The following LRP1B variants were observed in gnomAD, a reference collection of about 807,000 sequenced individuals.
LRP1B encodes LDL receptor related protein 1B.
Under a neutral mutation model 556.6 loss-of-function variants are expected in LRP1B, and 217 were observed. That is an observed-to-expected ratio of 0.39 (90% CI 0.35 to 0.44). The LOEUF (loss-of-function observed/expected upper bound fraction) is 0.44. Among genes scored for constraint, LRP1B ranks in the 20% least tolerant of loss-of-function variants. The probability of loss-of-function intolerance (pLI) is 1.00; values close to 1 mark genes in which losing one functional copy is unlikely to be tolerated. For synonymous variants in LRP1B, 2,047 were observed against 1,865.8 expected (o/e 1.10, Z -2.50); for missense variants, 5,053 against 5,620.8 (o/e 0.90, Z 3.23).
chr2:141,647,354 G>A (rs1689609809), intron 2 of LRP1B, among the ~76,000 whole-genome samples: 1 of 152,162 alleles, frequency 6.6e-6, no homozygotes, highest in African/African-American at 2.4e-5. Context: ...AAATAAGATA[G>A]AGGAAGCGTT....
At chr2:140,709,946 A>G (rs1574267661) in intron 37 of LRP1B, among the ~76,000 whole-genome samples, 2 of 152,018 alleles carry the variant, frequency 1.3e-5, no homozygotes, top group East Asian at 3.9e-4. Flanking sequence ...TCCAAGCCGT[A>G]ATAAATATTT....
chr2:142,111,972 G>T (rs1372944059), intron 1 of LRP1B, among the ~76,000 whole-genome samples: 1 of 152,010 alleles, frequency 6.6e-6, no homozygotes, highest in Admixed American at 6.6e-5. Flanking sequence ...CTATATAAGT[G>T]CAGTCTTTTC....
At chr2:141,086,543 T>C (rs990990176) in intron 7 of LRP1B, among the ~76,000 whole-genome samples, 1 of 152,088 alleles carries the variant, frequency 6.6e-6, no homozygotes, top group Non-Finnish European at 1.5e-5. Flanking sequence ...AATAAGCATA[T>C]ATTTAAAAGG....
chr2:140,662,056 A>G (rs1050119652), intron 41 of LRP1B, among the ~76,000 whole-genome samples: 2 of 152,112 alleles, frequency 1.3e-5, no homozygotes, highest in African/African-American at 4.8e-5. Context: ...TAAAGTAGCC[A>G]TATGGAAATA....
At chr2:140,321,861 C>T (rs1023145090) in intron 82 of LRP1B, 102 bp downstream of exon 82, 13 of 1,187,200 alleles carry the variant, frequency 1.1e-5, no homozygotes, top group Non-Finnish European at 1.6e-5. Flanking sequence ...ATCAAGGTAG[C>T]TAAACTGATG....
chr2:140,878,086 G>A (rs915384302), intron 25 of LRP1B, among the ~76,000 whole-genome samples: 6 of 152,136 alleles, frequency 3.9e-5, no homozygotes, highest in African/African-American at 1.4e-4. Flanking sequence ...AGACCATTGG[G>A]AAAGGATAAA....
At chr2:141,182,009 T>C (rs2105174611) in intron 7 of LRP1B, among the ~76,000 whole-genome samples, 1 of 152,122 alleles carries the variant, frequency 6.6e-6, no homozygotes, top group South Asian at 2.1e-4. Flanking sequence ...GTCTTGCCTA[T>C]TCACATCAGC....
chr2:141,510,899 CA>C (rs1559112859), intron 2 of LRP1B, among the ~76,000 whole-genome samples: 41 of 54,310 alleles, frequency 7.5e-4, no homozygotes, highest in East Asian at 3.6e-3. Flanking sequence ...CACACACACA[CA>C]CACACACACC....
intron 2 of LRP1B, among the ~76,000 whole-genome samples, chr2:141,740,175 A>T (rs1339270054): frequency 6.6e-6 from 1 of 152,146 alleles, no homozygotes; most frequent in Non-Finnish European, 1.5e-5. Flanking sequence ...CATAGACGTG[A>T]CAAATTTTGT....
In LRP1B at chr2:140,748,834, T is replaced by TA. The variant is rs1407479065; in HGVS notation, c.5758+20378_5758+20379insT. On this transcript the variant is annotated intron_variant, in intron 35 of 90. Transcript: ENST00000389484. ...ACATGTATATAATATATATCATATATTATATACATGTATATAATATATATA... is the reference window on the plus strand; with the variant it reads ...ACATGTATATAATATATATCATATATATATATACATGTATATAATATATATA... Among the ~76,000 whole-genome samples the TA allele has an allele frequency of 5.2e-4, 63 of 120,502 alleles. 1 individual carries two copies. The highest frequency in any genetic ancestry group is 1.6e-3 in the Admixed American group (19 of 11,698). The allele number at this position is 120,502 out of a possible 152,430, so 79.1% of individuals were successfully genotyped here. A position where few individuals can be genotyped will look rare whatever the true frequency, so the allele number is the denominator to read the frequency against.
intron 2 of LRP1B, among the ~76,000 whole-genome samples, chr2:141,589,942 T>A (rs1687277211): frequency 6.6e-6 from 1 of 152,200 alleles, no homozygotes; most frequent in African/African-American, 2.4e-5. Flanking sequence ...TTTTTGAAAT[T>A]TGATTTAAGA....
At position 140,323,899 on chromosome 2, in the gene LRP1B, G is replaced by A. The variant is rs2105058898; in HGVS notation, c.12508C>T (p.Leu4170=). 2 of 1,458,284 alleles carry A rather than the reference G, an allele frequency of 1.4e-6. No homozygotes were observed. Among genetic ancestry groups the A allele is most frequent in the Non-Finnish European group, 9.6e-7 (1 of 1,042,480 alleles). 90.3% of individuals were successfully genotyped at this position (1,458,284 alleles called of 1,614,324 possible). ...CATAATATATTATACTTACAATCTA[G>A]TTGTTTATAACGATGAGATATCAAA... is the stretch of plus-strand genomic sequence containing the variant. The part of the protein sequence containing the change: ...GVLISHRYKQ[L]DLPNPCLDLA... Residue 4170 remains leucine (L), a synonymous_variant, in exon 81 of 91, where the codon CTA becomes TTA. Transcript: ENST00000389484.
At chr2:141,095,118 C>G (rs1700264931) in intron 7 of LRP1B, among the ~76,000 whole-genome samples, 1 of 152,020 alleles carries the variant, frequency 6.6e-6, no homozygotes, top group Non-Finnish European at 1.5e-5. Flanking sequence ...GATGACACAG[C>G]AAGAAGCACC....
intron 2 of LRP1B, among the ~76,000 whole-genome samples, chr2:141,653,089 G>A (rs1689861063): frequency 6.6e-6 from 1 of 152,132 alleles, no homozygotes; most frequent in Non-Finnish European, 1.5e-5. Flanking sequence ...CTCAACATCC[G>A]TGCCTCAGGT....
chr2:140,599,314 T>C (rs12999575), intron 42 of LRP1B, among the ~76,000 whole-genome samples: 31,900 of 152,056 alleles, frequency 0.21, 3,628 homozygotes, highest in Middle Eastern at 0.29. Flanking sequence ...GCCTTCTCTT[T>C]TGTATATGTT....
chr2:140,256,815 T>G (rs1271436448), intron 86 of LRP1B, among the ~76,000 whole-genome samples: 1 of 151,930 alleles, frequency 6.6e-6, no homozygotes, highest in Non-Finnish European at 1.5e-5. Flanking sequence ...AAAATTTTTT[T>G]GCAGGTTTTT....
In LRP1B at chr2:140,328,462, GGAAGAAAATGAAAGAAAAAAAA is replaced by G. The variant is rs944951288; in HGVS notation, c.12224-2606_12224-2585del. Reference sequence around the variant, plus strand: ...AGTTCCCCAATTTCCATTGTAGGCTGGAAGAAAATGAAAGAAAAAAAAAAAGAAAATGAAGAAAACAAAATAT... The same window carrying G: ...AGTTCCCCAATTTCCATTGTAGGCTGAAAGAAAATGAAGAAAACAAAATAT... On this transcript the variant is annotated intron_variant, in intron 79 of 90. Coordinates refer to ENST00000389484, the MANE Select transcript of LRP1B (RefSeq NM_018557.3). Among the ~76,000 whole-genome samples the G allele has an allele frequency of 5.7e-5, 8 of 139,420 alleles. 1 individual carries two copies. Among genetic ancestry groups the G allele is most frequent in the African/African-American group, 1.5e-4 (6 of 39,354 alleles). The allele number at this position is 139,420 out of a possible 152,430, so 91.5% of individuals were successfully genotyped here. A position where few individuals can be genotyped will look rare whatever the true frequency, so the allele number is the denominator to read the frequency against.
intron 2 of LRP1B, among the ~76,000 whole-genome samples, chr2:141,602,390 AT>A (rs1284810812): frequency 6.6e-6 from 1 of 152,182 alleles, no homozygotes; most frequent in Non-Finnish European, 1.5e-5. Context: ...CATATAGTTA[AT>A]TAGTCAAAGA....
At chr2:141,835,923 T>C (rs1285665659) in intron 1 of LRP1B, among the ~76,000 whole-genome samples, 1 of 151,982 alleles carries the variant, frequency 6.6e-6, no homozygotes, top group Non-Finnish European at 1.5e-5. Context: ...GATAAATTAT[T>C]GTCTAAATGA....
Sources: allele counts gnomAD v4.1 joint callset (sites outside exome capture counted in the v4.1 genomes callset), GRCh38; gene constraint gnomAD v4.1.1; transcripts MANE v1.5; gene names NCBI Gene and HGNC (gene_info 2026-07-23, HGNC 2026-07-21).